The following RORA variants were observed in gnomAD, a reference collection of about 807,000 sequenced individuals.
RORA encodes the protein RAR related orphan receptor A.
In RORA, 7 loss-of-function variants were observed where a neutral mutation model predicts 69.5. The ratio of observed to expected loss-of-function variants is 0.10; its 90% confidence interval spans 0.06 to 0.19. RORA has a LOEUF of 0.19. RORA is among the 10% of genes least tolerant of loss of function. The pLI is 1.00. For missense variants in RORA, 457 were observed against 663.0 expected, an observed-to-expected ratio of 0.69 and a Z score of 3.41; for synonymous variants, 261 against 240.8, an observed-to-expected ratio of 1.08 and a Z score of -0.78.
chr15:60,572,589 A>G (rs1567096492), intron 2 of RORA, among the ~76,000 whole-genome samples: 1 of 152,180 alleles, frequency 6.6e-6, no homozygotes. Flanking sequence ...TAACAAAACT[A>G]TATTTAGGAA....
intron 1 of RORA, among the ~76,000 whole-genome samples, chr15:60,692,703 C>T (rs1336290605): frequency 6.6e-6 from 1 of 152,158 alleles, no homozygotes; most frequent in Admixed American, 6.5e-5. Context: ...TCCACTGTTG[C>T]CCCTCTTTGC....
At chr15:60,513,362 T>C (rs1595887185) in intron 4 of RORA, among the ~76,000 whole-genome samples, 1 of 152,218 alleles carries the variant, frequency 6.6e-6, no homozygotes, top group East Asian at 1.9e-4. Context: ...TTAATTTTTT[T>C]GAAAAAAATT....
intron 1 of RORA, among the ~76,000 whole-genome samples, chr15:61,001,758 A>T (rs1894753089): frequency 6.6e-6 from 1 of 152,248 alleles, no homozygotes; most frequent in Non-Finnish European, 1.5e-5. Context: ...TGATAGTGTG[A>T]AATATGACAA....
intron 1 of RORA, among the ~76,000 whole-genome samples, chr15:61,133,985 T>C (rs2079214809): frequency 6.6e-6 from 1 of 152,210 alleles, no homozygotes; most frequent in South Asian, 2.1e-4. Flanking sequence ...TTGAAATCAC[T>C]GTCTGGTTTC....
intron 1 of RORA, among the ~76,000 whole-genome samples, chr15:60,937,916 T>C (rs940230805): frequency 5.3e-5 from 8 of 152,238 alleles, no homozygotes; most frequent in African/African-American, 1.9e-4. Flanking sequence ...TCAGTGATAA[T>C]AGCTAATATT....
chr15:61,052,836 G>A (rs773301043), intron 1 of RORA, among the ~76,000 whole-genome samples: 10 of 152,182 alleles, frequency 6.6e-5, no homozygotes, highest in African/African-American at 9.7e-5. Flanking sequence ...AGCATGCCAC[G>A]TACAGTTGGC....
intron 1 of RORA, among the ~76,000 whole-genome samples, chr15:61,153,112 G>A (rs1054141163): frequency 6.6e-6 from 1 of 152,138 alleles, no homozygotes; most frequent in Non-Finnish European, 1.5e-5. Flanking sequence ...TACACAGAGG[G>A]TTGGACATCC....
chr15:60,895,710 G>A (rs1452072137), intron 1 of RORA, among the ~76,000 whole-genome samples: 7 of 152,212 alleles, frequency 4.6e-5, no homozygotes, highest in African/African-American at 1.7e-4. Context: ...GGCATGGAGT[G>A]CATGTTTCAG....
chr15:60,640,515 T>G lies in RORA; in HGVS notation c.196+38142A>C, dbSNP rs556403555. On this transcript the variant is annotated intron_variant, in intron 2 of 10. Coordinates refer to ENST00000335670, the MANE Select transcript of RORA (RefSeq NM_134261.3). ...CCTAAAACCCTCCCGTGGCTGAACT[T>G]AGAGTAAAATCCAAGCTCCTCACCA... Among the ~76,000 whole-genome samples, 6 of 152,238 alleles carry G rather than the reference T, an allele frequency of 3.9e-5. No individual in the cohort carries two copies. In the East Asian group the frequency reaches 7.7e-4, roughly 20 times the overall value.
chr15:60,947,954 A>G (rs1417981305), intron 1 of RORA, among the ~76,000 whole-genome samples: 1 of 152,002 alleles, frequency 6.6e-6, no homozygotes, highest in East Asian at 1.9e-4. Flanking sequence ...CAACAACACC[A>G]CCCCTATGGC....
At chr15:60,711,326 C>A (rs2071141383) in intron 1 of RORA, among the ~76,000 whole-genome samples, 1 of 152,176 alleles carries the variant, frequency 6.6e-6, no homozygotes, top group Admixed American at 6.5e-5. Context: ...TAGCTGCCAA[C>A]TTCTTTTTGT....
chr15:60,783,046 A>T (rs905657043), intron 1 of RORA, among the ~76,000 whole-genome samples: 3 of 152,226 alleles, frequency 2.0e-5, no homozygotes, highest in African/African-American at 7.2e-5. Context: ...TTAATGATCA[A>T]ATCTAATCAC....
At position 60,861,896 on chromosome 15, in the gene RORA, C is replaced by G. The variant is rs371861189; in HGVS notation, c.167-183210G>C. Among the ~76,000 whole-genome samples, 18 of 152,316 alleles carry G rather than the reference C, an allele frequency of 1.2e-4. No homozygotes were observed. The East Asian group carries it at 1.4e-3, about 11-fold the overall frequency. On this transcript the variant is annotated intron_variant, in intron 1 of 10. Coordinates refer to ENST00000335670, the MANE Select transcript of RORA (RefSeq NM_134261.3). The stretch of plus-strand genomic sequence containing the variant: ...ATTAAGATCTCTATCCCAGCTATTA[C>G]ACTCCTAAGGTCACTGGGCTCTCCT...
intron 1 of RORA, among the ~76,000 whole-genome samples, chr15:60,693,583 C>G (rs572147129): frequency 3.3e-5 from 5 of 152,332 alleles, no homozygotes; most frequent in African/African-American, 1.2e-4. Context: ...AGCTGATAAG[C>G]AACCTCAGCA....
intron 1 of RORA, among the ~76,000 whole-genome samples, chr15:61,027,611 C>T (rs934345809): frequency 6.6e-6 from 1 of 152,162 alleles, no homozygotes; most frequent in African/African-American, 2.4e-5. Context: ...GCTTGGGCCA[C>T]GTCCTCTGCT....
intron 1 of RORA, among the ~76,000 whole-genome samples, chr15:61,214,697 A>G (rs2080022512): frequency 6.6e-6 from 1 of 152,092 alleles, no homozygotes; most frequent in Non-Finnish European, 1.5e-5. Flanking sequence ...AGCAATCCAG[A>G]CTGGAGATGG....
At chr15:61,177,569 C>T (rs969023311) in intron 1 of RORA, among the ~76,000 whole-genome samples, 12 of 152,036 alleles carry the variant, frequency 7.9e-5, no homozygotes, top group Non-Finnish European at 4.4e-5. Flanking sequence ...TTTTAATGGA[C>T]ATTTGAGTGT....
rs953530171 is a variant in RORA, at chr15:61,061,631, G to A, written c.166+167422C>T. 1.3e-5 allele frequency among the ~76,000 whole-genome samples: 2 copies of A among 152,054 alleles called. No homozygotes were observed. Among genetic ancestry groups the A allele is most frequent in the Non-Finnish European group, 2.9e-5 (2 of 68,030 alleles). ...TCCTAGGTATATTAAAAATAATTCA[G>A]GTTTACATAATCTATCTCTAATTGC... On this transcript the variant is annotated intron_variant, in intron 1 of 10. Transcript: ENST00000335670. The surrounding 1 kb of genome is among the most constrained non-coding windows in gnomAD (Gnocchi z 4.4).
At chr15:60,904,754 C>T (rs749128697) in intron 1 of RORA, among the ~76,000 whole-genome samples, 29 of 152,142 alleles carry the variant, frequency 1.9e-4, no homozygotes, top group Non-Finnish European at 2.5e-4. Context: ...CACTTCAACA[C>T]GGGCTGCTAT....
Sources: gnomAD v4.1 joint callset for allele counts (sites outside exome capture counted in the v4.1 genomes callset) on GRCh38, gnomAD v4.1.1 for gene constraint, Gnocchi (gnomAD v3.1) non-coding constraint, MANE v1.5 for transcripts, NCBI Gene and HGNC (gene_info 2026-07-23, HGNC 2026-07-21) for gene names.